THADA: variants seen among roughly 807,000 people sequenced by gnomAD.
The protein encoded by THADA is THADA armadillo repeat containing.
A neutral mutation model predicts 219.8 loss-of-function variants in THADA; 213 were observed. The observed-to-expected ratio is 0.97, with a 90% CI of 0.87 to 1.09. The LOEUF (loss-of-function observed/expected upper bound fraction) is 1.09. THADA is among the 50% of genes least tolerant of loss of function. The pLI, the probability that THADA is intolerant of heterozygous loss-of-function variation, is 0.00. For synonymous variants in THADA, 1,018 were observed against 828.9 expected, an observed-to-expected ratio of 1.23 and a Z score of -3.92; for missense variants, 2,956 against 2,311.3, an observed-to-expected ratio of 1.28 and a Z score of -5.72.
chr2:43,461,186 T>C (rs999363564), intron 26 of THADA, among the ~76,000 whole-genome samples: 2 of 152,216 alleles, frequency 1.3e-5, no homozygotes, highest in Non-Finnish European at 2.9e-5. Context: ...CATAATGAAC[T>C]GTGTCTGGGT....
chr2:43,337,203 G>A (rs1049291700), intron 30 of THADA, among the ~76,000 whole-genome samples: 1 of 152,184 alleles, frequency 6.6e-6, no homozygotes, highest in African/African-American at 2.4e-5. Context: ...AGGGTCCAGG[G>A]GAAGACCCCT....
intron 26 of THADA, among the ~76,000 whole-genome samples, chr2:43,474,091 G>T (rs1216337280): frequency 6.6e-6 from 1 of 152,106 alleles, no homozygotes; most frequent in Non-Finnish European, 1.5e-5. Flanking sequence ...ATGTTATGTG[G>T]GGCATGACTG....
intron 26 of THADA, among the ~76,000 whole-genome samples, chr2:43,443,636 T>G (rs1459315992): frequency 6.6e-6 from 1 of 152,100 alleles, no homozygotes; most frequent in African/African-American, 2.4e-5. Context: ...TTCAAGCTCC[T>G]AGGAAGAAAA....
intron 26 of THADA, among the ~76,000 whole-genome samples, chr2:43,444,579 C>G (rs1335145064): frequency 6.6e-6 from 1 of 152,146 alleles, no homozygotes; most frequent in Admixed American, 6.5e-5. Context: ...TTAAACCAAG[C>G]TCCAATTTCT....
At chr2:43,508,088 G>A (rs184667259) in intron 23 of THADA, among the ~76,000 whole-genome samples, 1 of 152,140 alleles carries the variant, frequency 6.6e-6, no homozygotes, top group African/African-American at 2.4e-5. Flanking sequence ...GTCACTTAAC[G>A]TACCTAAACC....
intron 26 of THADA, among the ~76,000 whole-genome samples, chr2:43,470,311 G>A (rs1399765403): frequency 6.6e-6 from 1 of 151,712 alleles, no homozygotes; most frequent in Non-Finnish European, 1.5e-5. Flanking sequence ...ATTACACCTA[G>A]GAGAATCTAT....
intron 7 of THADA, among the ~76,000 whole-genome samples, chr2:43,582,530 T>G (rs1032642653): frequency 4.0e-5 from 6 of 148,230 alleles, no homozygotes; most frequent in African/African-American, 1.5e-4. Context: ...CTTACAAACT[T>G]GAACACTCTC....
At chr2:43,435,197 G>A (rs187464402) in intron 26 of THADA, among the ~76,000 whole-genome samples, 1 of 152,344 alleles carries the variant, frequency 6.6e-6, no homozygotes, top group Admixed American at 6.5e-5. Flanking sequence ...GCTCACGACT[G>A]TAATCCGAGC....
At chr2:43,257,133 C>G (rs1238091391) in intron 36 of THADA, among the ~76,000 whole-genome samples, 1 of 152,142 alleles carries the variant, frequency 6.6e-6, no homozygotes, top group Non-Finnish European at 1.5e-5. Context: ...CAAAGGCAGA[C>G]AGAGAGAATG....
intron 1 of THADA, among the ~76,000 whole-genome samples, chr2:43,593,672 C>T (rs1440459864): frequency 5.1e-5 from 7 of 138,488 alleles, no homozygotes; most frequent in African/African-American, 1.1e-4. Context: ...CTTGCTCCTT[C>T]GCCCATGCTG....
At chr2:43,487,885 G>A (rs1461936112) in intron 25 of THADA, among the ~76,000 whole-genome samples, 1 of 152,014 alleles carries the variant, frequency 6.6e-6, no homozygotes, top group South Asian at 2.1e-4. Flanking sequence ...CAGCCCGAAG[G>A]GACTAAGATA....
At chr2:43,548,642 G>A (rs1162507287) in intron 20 of THADA, among the ~76,000 whole-genome samples, 7 of 152,202 alleles carry the variant, frequency 4.6e-5, no homozygotes, top group African/African-American at 1.2e-4. Context: ...AGCAATCAGC[G>A]AGACTCCGTG....
chr2:43,325,288 G>GTGGC (rs1207281762), intron 30 of THADA, among the ~76,000 whole-genome samples: 1 of 146,104 alleles, frequency 6.8e-6, no homozygotes, highest in Non-Finnish European at 1.5e-5. Context: ...CGGAATCCCA[G>GTGGC]TGGCTGCAGG....
At position 43,413,463 on chromosome 2, in the gene THADA, A is replaced by C. The variant is rs1676551346; in HGVS notation, c.4058+14637T>G. On this transcript the variant is annotated intron_variant, in intron 28 of 37. Transcript: ENST00000405975. Reference sequence around the variant, plus strand: ...GGTGAGATACAAATTTAATACGGTCAAGAAATATATGCTTGGCTACTTAAT... The same window carrying C: ...GGTGAGATACAAATTTAATACGGTCCAGAAATATATGCTTGGCTACTTAAT... 2.0e-5 allele frequency among the ~76,000 whole-genome samples: 3 copies of C among 152,220 alleles called. No individual in the cohort carries two copies. The South Asian group carries it at 6.2e-4, about 32-fold the overall frequency.
chr2:43,368,563 G>A (rs1670436749), intron 29 of THADA, among the ~76,000 whole-genome samples: 1 of 151,622 alleles, frequency 6.6e-6, no homozygotes, highest in Non-Finnish European at 1.5e-5. Context: ...ACCATGTCCG[G>A]CTATTTTTTT....
rs10560565 is a variant in THADA, at chr2:43,460,238, TAAAAA to T, written c.3836+24991_3836+24995del. On this transcript the variant is annotated intron_variant, in intron 26 of 37. Transcript: ENST00000405975. ...ATCTTAGAAACAAGCTTTCTCTTAA[TAAAAA>T]AAAAAAAAAAAAAAAAAAAAAAAAG... Among the ~76,000 whole-genome samples, 149 of 63,546 alleles carry T rather than the reference TAAAAA, an allele frequency of 2.3e-3. 2 individuals carry two copies. In the South Asian group the frequency reaches 0.056, roughly 24 times the overall value. The allele number at this position is 63,546 out of a possible 152,430, so 41.7% of individuals were successfully genotyped here. A position where few individuals can be genotyped will look rare whatever the true frequency, so the allele number is the denominator to read the frequency against.
At chr2:43,467,160 C>T (rs1684344844) in intron 26 of THADA, among the ~76,000 whole-genome samples, 2 of 105,994 alleles carry the variant, frequency 1.9e-5, no homozygotes, top group South Asian at 3.3e-4. Flanking sequence ...CCAGCCTGGG[C>T]GACAGAGCGA....
intron 26 of THADA, among the ~76,000 whole-genome samples, chr2:43,445,557 G>A (rs1681414746): frequency 6.6e-6 from 1 of 152,254 alleles, no homozygotes; most frequent in African/African-American, 2.4e-5. Context: ...CATGTTTGAA[G>A]GAAAGCATCC....
At chr2:43,437,335 G>C (rs1426327074) in intron 26 of THADA, among the ~76,000 whole-genome samples, 2 of 152,146 alleles carry the variant, frequency 1.3e-5, no homozygotes. Flanking sequence ...GGACTAAATG[G>C]AAAGGTCAAT....
Sources: gnomAD v4.1 joint callset for allele counts (sites outside exome capture counted in the v4.1 genomes callset) on GRCh38, gnomAD v4.1.1 for gene constraint, MANE v1.5 for transcripts, NCBI Gene and HGNC (gene_info 2026-07-23, HGNC 2026-07-21) for gene names.